Variants in CBL observed in about 807,000 individuals in gnomAD.
CBL encodes the protein Cbl proto-oncogene, also known as E3 ubiquitin-protein ligase CBL.
Under a neutral mutation model 96.9 loss-of-function variants are expected in CBL, and 45 were observed. The ratio of observed to expected loss-of-function variants is 0.46; its 90% CI spans 0.37 to 0.60. The LOEUF is 0.60. Ranked by LOEUF, CBL falls within the 20% of genes least tolerant of loss-of-function variation. The pLI is 0.00. For synonymous variants in CBL, 420 were observed against 426.8 expected (o/e 0.98, Z 0.20); for missense variants, 1,024 against 1,143.5 (o/e 0.90, Z 1.51).
At chr11:119,262,359 A>G (rs1434554237) in intron 2 of CBL, among the ~76,000 whole-genome samples, 2 of 152,206 alleles carry the variant, frequency 1.3e-5, no homozygotes, top group Non-Finnish European at 2.9e-5. Flanking sequence ...ACATTAGTGG[A>G]AAAAACTGGT....
At chr11:119,249,019 T>TG (rs1304941268) in intron 2 of CBL, among the ~76,000 whole-genome samples, 1 of 152,208 alleles carries the variant, frequency 6.6e-6, no homozygotes, top group Non-Finnish European at 1.5e-5. Flanking sequence ...ACAGCCACTG[T>TG]GGGAAACAGT....
chr11:119,255,709 TAA>T (rs1949706178), intron 2 of CBL, among the ~76,000 whole-genome samples: 1 of 152,184 alleles, frequency 6.6e-6, no homozygotes, highest in Admixed American at 6.5e-5. Flanking sequence ...GAACAGTTTG[TAA>T]AAGAGTTTGC....
At chr11:119,267,702 C>T (rs1350298537) in intron 2 of CBL, among the ~76,000 whole-genome samples, 1 of 152,194 alleles carries the variant, frequency 6.6e-6, no homozygotes, top group African/African-American at 2.4e-5. Context: ...TTATTTTGTT[C>T]ATTGCCATAT....
chr11:119,245,558 A>G (rs1313414285), intron 2 of CBL, among the ~76,000 whole-genome samples: 5 of 151,932 alleles, frequency 3.3e-5, no homozygotes, highest in Non-Finnish European at 5.9e-5. Flanking sequence ...GTGAAACCCC[A>G]TCTCTACTAA....
rs398017760 is a variant in CBL at position 119,283,625 on chromosome 11, C to CTTTTTTTTTTTTT, written c.1432-1326_1432-1314dup. ...AAATATTAATCCTTTTTAATTCTTTCTTTTTTTTTTTTTTTTTTTTTTTTT... is the reference window on the plus strand; with the variant it reads ...AAATATTAATCCTTTTTAATTCTTTCTTTTTTTTTTTTTTTTTTTTTTTTTTTTTTTTTTTTTT... On this transcript the variant is annotated intron_variant, in intron 9 of 15. Transcript: ENST00000264033. Among the ~76,000 whole-genome samples the CTTTTTTTTTTTTT allele has an allele frequency of 1.3e-3, 57 of 45,526 alleles. 5 individuals are homozygous for CTTTTTTTTTTTTT. The highest frequency in any genetic ancestry group is 3.4e-3 in the East Asian group (5 of 1,472). The allele number at this position is 45,526 out of a possible 152,430, so 29.9% of individuals were successfully genotyped here.
intron 2 of CBL, among the ~76,000 whole-genome samples, chr11:119,237,350 C>G (rs1374438083): frequency 6.6e-6 from 1 of 152,172 alleles, no homozygotes; most frequent in African/African-American, 2.4e-5. Flanking sequence ...AAACTTTACT[C>G]CCATTCTGTG....
chr11:119,206,652 G>C (rs991004362), intron 1 of CBL, 40 bp downstream of exon 1: 2 of 1,531,948 alleles, frequency 1.3e-6, no homozygotes, highest in Non-Finnish European at 1.8e-6. Flanking sequence ...CAGGGTGGGC[G>C]TGGGCGGAGG....
In CBL at chr11:119,285,423, G is replaced by A. The variant is rs2135310802; in HGVS notation, c.1798G>A (p.Val600Ile). ...WLPRPIPKVP[V>I]SAPSSSDPWT... ...GCCCCGGCCAATCCCCAAAGTACCA[G>A]TATCTGCCCCAAGTTCCAGTGATCC... The change falls in exon 11 of 16, where the codon GTA becomes ATA. Residue 600 changes from valine to isoleucine, a missense_variant. Around this residue, in one of 4 missense-constraint regions of CBL, gnomAD observed 695 missense variants for 661.6 expected, o/e 1.05. Coordinates refer to ENST00000264033, the MANE Select transcript of CBL (RefSeq NM_005188.4). 1 of 1,614,160 alleles carries A rather than the reference G, an allele frequency of 6.2e-7. No homozygotes were observed. The highest frequency in any genetic ancestry group is 8.5e-7 in the Non-Finnish European group (1 of 1,180,034).
At chr11:119,285,645 C>A in intron 11 of CBL, 79 bp downstream of exon 11, 1 of 1,530,692 alleles carries the variant, frequency 6.5e-7, no homozygotes, top group East Asian at 2.3e-5. Flanking sequence ...TCTGTAATCC[C>A]AGCAATTTGG....
rs576384944 is a variant in CBL, at chr11:119,271,236, T to C, written c.444-499T>C. On this transcript the variant is annotated intron_variant, in intron 2 of 15. Coordinates refer to ENST00000264033, the MANE Select transcript of CBL (RefSeq NM_005188.4). ...TTCCGTGATAGAGTGATTATAGCAG[T>C]GCATAAGTTCTTACACTTATTTGTT... Among the ~76,000 whole-genome samples, 6 of 152,366 alleles carry C rather than the reference T, an allele frequency of 3.9e-5. No homozygotes were observed. In the South Asian group the frequency reaches 1.2e-3, roughly 32 times the overall value.
At chr11:119,249,233 A>G (rs918600035) in intron 2 of CBL, among the ~76,000 whole-genome samples, 1 of 152,216 alleles carries the variant, frequency 6.6e-6, no homozygotes, top group African/African-American at 2.4e-5. Context: ...TGTTATAGCC[A>G]TATGGTGGAA....
chr11:119,288,745 G>T (rs1950003758), intron 12 of CBL, among the ~76,000 whole-genome samples: 1 of 152,058 alleles, frequency 6.6e-6, no homozygotes, highest in East Asian at 1.9e-4. Flanking sequence ...CTGTATGTGG[G>T]CTCTAATGAA....
chr11:119,264,403 CTTCTCTT>C (rs1363427079), intron 2 of CBL, among the ~76,000 whole-genome samples: 3 of 84,092 alleles, frequency 3.6e-5, no homozygotes, highest in African/African-American at 1.1e-4. Flanking sequence ...CTTCTCTTCT[CTTCTCTT>C]CTCTTCTCTT....
Position 119,232,675 on chromosome 11 carries a change from T to A in CBL, c.423T>A (p.Tyr141Ter). The A allele has an allele frequency of 6.2e-7, 1 of 1,613,670 alleles. No homozygotes were observed. Among genetic ancestry groups the A allele is most frequent in the African/African-American group, 1.3e-5 (1 of 75,032 alleles). ...SLFKEGKERM[Y>*]EENSQPRRNL... ...TCAAGGAGGGAAAAGAAAGAATGTA[T>A]GAGGAGAATTCTCAGCCTAGGTAAT... Residue 141 changes from tyrosine (Y) to a stop codon, truncating the protein, a stop_gained, in exon 2 of 16, where the codon TAT becomes TAA. Coordinates refer to ENST00000264033, the MANE Select transcript of CBL (RefSeq NM_005188.4). LOFTEE classifies it high-confidence loss of function.
intron 2 of CBL, among the ~76,000 whole-genome samples, chr11:119,237,259 G>A (rs35078757): frequency 0.023 from 3,427 of 152,276 alleles, 67 homozygotes; most frequent in Middle Eastern, 0.075. Flanking sequence ...CCATTTTAAA[G>A]TTGCATTATT....
chr11:119,276,073 C>CA lies in CBL; in HGVS notation c.947dup (p.Thr317AspfsTer6). On this transcript the variant is annotated frameshift_variant, in exon 6 of 16. Coordinates refer to ENST00000264033, the MANE Select transcript of CBL (RefSeq NM_005188.4). LOFTEE classifies it high-confidence loss of function. ...TGTTACTGCTGATGGGAACATTCTC[C>CA]AGACAATCCCTCACAATAAACCTCT... The CA allele has an allele frequency of 6.2e-7, 1 of 1,614,080 alleles. No homozygotes were observed. The highest frequency in any genetic ancestry group is 8.5e-7 in the Non-Finnish European group (1 of 1,179,956).
intron 1 of CBL, among the ~76,000 whole-genome samples, chr11:119,210,780 A>G (rs748718616): frequency 6.6e-5 from 10 of 151,868 alleles, no homozygotes; most frequent in Non-Finnish European, 1.5e-4. Context: ...TTTAAATTCC[A>G]TTATGAAATA....
chr11:119,281,077 A>G (rs921790367), intron 9 of CBL, among the ~76,000 whole-genome samples: 2 of 152,220 alleles, frequency 1.3e-5, no homozygotes, highest in African/African-American at 4.8e-5. Context: ...ATCTGTTAGT[A>G]TAGTAGTATG....
chr11:119,214,728 A>G (rs1185126432), intron 1 of CBL, among the ~76,000 whole-genome samples: 1 of 151,828 alleles, frequency 6.6e-6, no homozygotes, highest in African/African-American at 2.4e-5. Flanking sequence ...TGTCCACTTC[A>G]TTTTTTATTT....
Sources: allele counts gnomAD v4.1 joint callset (sites outside exome capture counted in the v4.1 genomes callset), GRCh38; gene constraint gnomAD v4.1.1; regional missense constraint gnomAD v4.1.1; transcripts MANE v1.5; gene names NCBI Gene and HGNC (gene_info 2026-07-23, HGNC 2026-07-21).